The following HNRNPLL variants were observed in gnomAD, a reference collection of about 807,000 sequenced individuals.
The protein encoded by HNRNPLL is heterogeneous nuclear ribonucleoprotein L like.
In HNRNPLL, 25 loss-of-function variants were observed where a neutral mutation model predicts 67.1. That is an observed-to-expected ratio of 0.37 (90% CI 0.27 to 0.52). HNRNPLL has a LOEUF of 0.52. Among genes scored for constraint, HNRNPLL ranks in the 20% least tolerant of loss-of-function variants. The pLI is 0.90. For synonymous variants in HNRNPLL, 267 were observed against 241.7 expected, an observed-to-expected ratio of 1.10 and a Z score of -0.97; for missense variants, 542 against 673.9, an observed-to-expected ratio of 0.80 and a Z score of 2.17.
chr2:38,564,595 C>T (rs981471545), intron 12 of HNRNPLL, among the ~76,000 whole-genome samples: 23 of 112,376 alleles, frequency 2.0e-4, no homozygotes, highest in South Asian at 5.5e-4. Context: ...GCCTGGGTGA[C>T]AGAGTGAGAC....
At chr2:38,589,367 G>A (rs539574309) in intron 2 of HNRNPLL, among the ~76,000 whole-genome samples, 3 of 152,080 alleles carry the variant, frequency 2.0e-5, no homozygotes, top group Non-Finnish European at 4.4e-5. Flanking sequence ...TAAATAAAGG[G>A]AAAGTTTCCA....
At position 38,563,985 on chromosome 2, in the gene HNRNPLL, A is replaced by G. The variant is rs1458380279; in HGVS notation, c.*197T>C. 1.9e-6 allele frequency: 1 copy of G among 533,744 alleles called. No individual in the cohort carries two copies. The highest frequency in any genetic ancestry group is 3.5e-5 in the Admixed American group (1 of 28,312). 33.1% of individuals were successfully genotyped at this position (533,744 alleles called of 1,614,324 possible). ...AGCTGTAGATAGTCTACATTATGAT[A>G]TTCTATCTTAAAATGAAAACAATTC... On this transcript the variant is annotated 3_prime_UTR_variant, in exon 13 of 13. Transcript: ENST00000449105.
intron 7 of HNRNPLL, among the ~76,000 whole-genome samples, chr2:38,575,449 C>T: frequency 6.6e-6 from 1 of 151,888 alleles, no homozygotes; most frequent in South Asian, 2.1e-4. Context: ...AATTAATACA[C>T]AAACTCTTCT....
Position 38,564,229 on chromosome 2 carries a change from T to C in HNRNPLL, c.1582A>G (p.Asn528Asp). 1 of 1,548,676 alleles carries C rather than the reference T, an allele frequency of 6.5e-7. No homozygotes were observed. Among genetic ancestry groups the C allele is most frequent in the Non-Finnish European group, 8.9e-7 (1 of 1,121,912 alleles). Residue 528 changes from asparagine to aspartate, a missense_variant, in exon 13 of 13, where the codon AAT becomes GAT. By Grantham distance (23) the Asn-to-Asp change is conservative (BLOSUM62 1). Around this residue, in one of 2 missense-constraint regions of HNRNPLL, gnomAD observed 415 missense variants for 575.2 expected, o/e 0.72. Transcript: ENST00000449105. ...HYQIRVPNGSNPYTLKLCFST... is the reference protein window; with the variant it reads ...HYQIRVPNGSDPYTLKLCFST... ...AAGCAAAGCTTCAATGTATAGGGAT[T>C]GGAACCATCTGTAAAAAGTAAAAAA... is the stretch of plus-strand genomic sequence containing the variant.
chr2:38,565,107 C>T (rs988750256), intron 12 of HNRNPLL, among the ~76,000 whole-genome samples: 1 of 151,796 alleles, frequency 6.6e-6, no homozygotes, highest in African/African-American at 2.4e-5. Context: ...TCCTCAACTA[C>T]ATATATAAGA....
intron 9 of HNRNPLL, 113 bp from the exon 10 acceptor site, chr2:38,569,447 T>C (rs1347111862): frequency 3.0e-6 from 2 of 670,126 alleles, no homozygotes. Flanking sequence ...AAAAAAGGCA[T>C]ACATAGAGCT....
intron 7 of HNRNPLL, among the ~76,000 whole-genome samples, chr2:38,575,863 ACTTCT>A (rs796269652): frequency 3.0e-4 from 46 of 151,652 alleles, no homozygotes; most frequent in African/African-American, 1.0e-3. Context: ...TACTCATCTT[ACTTCT>A]CTTCTCTGCC....
intron 2 of HNRNPLL, among the ~76,000 whole-genome samples, chr2:38,587,209 C>T (rs1176831769): frequency 2.0e-5 from 3 of 152,126 alleles, no homozygotes; most frequent in Non-Finnish European, 4.4e-5. Context: ...AACAGATCAC[C>T]TTACAGCCTG....
Position 38,569,154 on chromosome 2 carries a change from G to A in HNRNPLL, c.1395C>T (p.Val465=), listed in dbSNP as rs1665977201. The A allele has an allele frequency of 1.2e-6, 2 of 1,609,782 alleles. No homozygotes were observed. Among genetic ancestry groups the A allele is most frequent in the African/African-American group, 1.3e-5 (1 of 74,902 alleles). ...VLHYYNVPLC[V]TEETFTKLCN... is the part of the protein sequence containing the mutation. ...CTACCTTTGTGAAGGTCTCTTCTGT[G>A]ACACACAATGGAACATTATAATAAT... is the stretch of plus-strand genomic sequence containing the variant. Residue 465 remains valine, a synonymous_variant, in exon 10 of 13, where the codon GTC becomes GTT. Transcript: ENST00000449105.
rs70954733 is a variant in HNRNPLL at position 38,588,546 on chromosome 2, C to CAAAAAAAAAAAAA, written c.309-2678_309-2666dup. Among the ~76,000 whole-genome samples, 54 of 51,000 alleles carry CAAAAAAAAAAAAA rather than the reference C, an allele frequency of 1.1e-3. 4 individuals carry two copies. Among genetic ancestry groups the CAAAAAAAAAAAAA allele is most frequent in the African/African-American group, 2.7e-3 (50 of 18,182 alleles). The allele number at this position is 51,000 out of a possible 152,430, so 33.5% of individuals were successfully genotyped here. A position where few individuals can be genotyped will look rare whatever the true frequency, so the allele number is the denominator to read the frequency against. ...TGGGTGACAGAGTGAAACTCCATCT[C>CAAAAAAAAAAAAA]AAAAAAAAAAAAAAAAAAAAAGGGT... is the stretch of plus-strand genomic sequence containing the variant. On this transcript the variant is annotated intron_variant, in intron 2 of 12. Transcript: ENST00000449105.
intron 1 of HNRNPLL, among the ~76,000 whole-genome samples, chr2:38,594,402 T>C (rs1455707710): frequency 6.6e-6 from 1 of 152,166 alleles, no homozygotes; most frequent in Non-Finnish European, 1.5e-5. Context: ...AACATTGCGA[T>C]ATTTAGGCAT....
intron 7 of HNRNPLL, 88 bp from the exon 8 acceptor site, chr2:38,573,515 A>G: frequency 1.2e-6 from 1 of 831,708 alleles, no homozygotes; most frequent in Non-Finnish European, 1.9e-6. Flanking sequence ...CACCACACAC[A>G]AAAAATAAAC....
chr2:38,568,490 T>C, intron 10 of HNRNPLL, 47 bp from the exon 11 acceptor site: 1 of 1,251,954 alleles, frequency 8.0e-7, no homozygotes, highest in Non-Finnish European at 1.1e-6. Flanking sequence ...CAAAATAATA[T>C]CCCACTTTTT....
intron 7 of HNRNPLL, 55 bp downstream of exon 7, chr2:38,577,406 T>G: frequency 9.3e-7 from 1 of 1,072,336 alleles, no homozygotes; most frequent in Non-Finnish European, 1.5e-6. Context: ...TCATCAGAAA[T>G]GCAGCAAGTC....
rs2148399248 is a variant in HNRNPLL, at chr2:38,602,774, G to C, written c.-148C>G. ...GCCGTCCGCGGGGACTGCGCGGCCA[G>C]GAGACTGGCGGCTGAGAAGCGCGGA... On this transcript the variant is annotated 5_prime_UTR_variant, in exon 1 of 13. Coordinates refer to ENST00000449105, the MANE Select transcript of HNRNPLL (RefSeq NM_138394.4). The C allele has an allele frequency of 2.0e-6, 3 of 1,527,766 alleles. No individual in the cohort carries two copies. The South Asian group carries it at 3.7e-5, about 19-fold the overall frequency. 94.6% of individuals were successfully genotyped at this position (1,527,766 alleles called of 1,614,324 possible). A position where few individuals can be genotyped will look rare whatever the true frequency, so the allele number is the denominator to read the frequency against.
intron 6 of HNRNPLL, among the ~76,000 whole-genome samples, chr2:38,580,095 C>T (rs1405049560): frequency 6.6e-6 from 1 of 152,010 alleles, no homozygotes; most frequent in Non-Finnish European, 1.5e-5. Context: ...TTAAAATAAG[C>T]TTATCTACAC....
At chr2:38,571,607 T>C (rs1333997837) in intron 8 of HNRNPLL, among the ~76,000 whole-genome samples, 1 of 152,180 alleles carries the variant, frequency 6.6e-6, no homozygotes, top group Non-Finnish European at 1.5e-5. Context: ...TGTCTTCTCA[T>C]GGACAAAATT....
At chr2:38,593,628 G>A (rs184822021) in intron 1 of HNRNPLL, among the ~76,000 whole-genome samples, 2 of 152,170 alleles carry the variant, frequency 1.3e-5, no homozygotes, top group Non-Finnish European at 2.9e-5. Context: ...GGTGGCTCAT[G>A]CCTGTAATCC....
rs1666167433 is a variant in HNRNPLL at position 38,573,309 on chromosome 2, A to T, written c.993T>A (p.Asn331Lys). Residue 331 changes from asparagine (N) to lysine (K), a missense_variant, in exon 8 of 13, where the codon AAT (asparagine) becomes AAA (lysine). By Grantham distance (94) the Asn-to-Lys change is moderately conservative. Transcript: ENST00000449105. ...QASSSYMHGG[N>K]PSGSVVMVSG... Reference sequence around the variant, plus strand: ...TAACCATTACAACTGAACCAGAGGGATTTCCTCCATGCATGTAAGAGGAAG... The same window carrying T: ...TAACCATTACAACTGAACCAGAGGGTTTTCCTCCATGCATGTAAGAGGAAG... 6.2e-7 allele frequency: 1 copy of T among 1,612,194 alleles called. No individual in the cohort carries two copies. Among genetic ancestry groups the T allele is most frequent in the Non-Finnish European group, 8.5e-7 (1 of 1,178,830 alleles).
Sources: allele counts gnomAD v4.1 joint callset (sites outside exome capture counted in the v4.1 genomes callset), GRCh38; gene constraint gnomAD v4.1.1; regional missense constraint gnomAD v4.1.1; transcripts MANE v1.5; gene names NCBI Gene and HGNC (gene_info 2026-07-23, HGNC 2026-07-21).